Variants in PTPRD observed in about 807,000 individuals in gnomAD.
PTPRD encodes protein tyrosine phosphatase receptor type D.
PTPRD carries 34 observed loss-of-function variants against 214.5 expected under a neutral mutation model. The ratio of observed to expected loss-of-function variants is 0.16; its 90% CI spans 0.12 to 0.21. PTPRD has a LOEUF of 0.21. PTPRD is among the 10% of genes least tolerant of loss of function. The pLI is 1.00. For missense variants in PTPRD, 2,545 were observed against 2,398.7 expected, an observed-to-expected ratio of 1.06 and a Z score of -1.27; for synonymous variants, 1,128 against 845.7, an observed-to-expected ratio of 1.33 and a Z score of -5.79.
chr9:8,877,324 T>G (rs1351798971), intron 11 of PTPRD, among the ~76,000 whole-genome samples: 1 of 152,188 alleles, frequency 6.6e-6, no homozygotes, highest in Non-Finnish European at 1.5e-5. Context: ...CAGGGTAATG[T>G]CTATGTCAAA....
chr9:9,411,932 C>A (rs952196940), intron 8 of PTPRD, among the ~76,000 whole-genome samples: 1 of 152,204 alleles, frequency 6.6e-6, no homozygotes, highest in Admixed American at 6.5e-5. Context: ...TAGACCAACC[C>A]TGTCATTTTA....
At chr9:10,355,269 C>G (rs752792465) in intron 2 of PTPRD, among the ~76,000 whole-genome samples, 5 of 151,998 alleles carry the variant, frequency 3.3e-5, no homozygotes, top group Non-Finnish European at 7.4e-5. Context: ...GGGATATTAG[C>G]AAGCAAGCAA....
intron 3 of PTPRD, among the ~76,000 whole-genome samples, chr9:10,119,218 C>T (rs981382545): frequency 1.3e-5 from 2 of 151,824 alleles, no homozygotes; most frequent in Admixed American, 1.3e-4. Context: ...TTAACTATTA[C>T]AATCAAACCC....
chr9:9,932,693 C>CT (rs1283682082), intron 5 of PTPRD, among the ~76,000 whole-genome samples: 1 of 107,868 alleles, frequency 9.3e-6, no homozygotes, highest in Non-Finnish European at 1.8e-5. Context: ...TCTAGCAAGG[C>CT]AGGCCAACGT....
chr9:8,604,665 T>A (rs898907194), intron 14 of PTPRD, among the ~76,000 whole-genome samples: 1 of 152,056 alleles, frequency 6.6e-6, no homozygotes, highest in African/African-American at 2.4e-5. Context: ...AAATATAGCA[T>A]GAAAAGAGGA....
chr9:10,106,666 A>G, intron 3 of PTPRD, among the ~76,000 whole-genome samples: 1 of 151,938 alleles, frequency 6.6e-6, no homozygotes, highest in East Asian at 1.9e-4. Context: ...AATAGTGACA[A>G]GAAATGTTGA....
chr9:9,968,836 TG>T (rs1468676242), intron 4 of PTPRD, among the ~76,000 whole-genome samples: 2 of 152,074 alleles, frequency 1.3e-5, no homozygotes, highest in Admixed American at 6.5e-5. Context: ...GAAAACTTAA[TG>T]AAAAAGAACC....
At chr9:8,348,430 G>C (rs2074476269) in intron 39 of PTPRD, among the ~76,000 whole-genome samples, 1 of 152,010 alleles carries the variant, frequency 6.6e-6, no homozygotes, top group Non-Finnish European at 1.5e-5. Context: ...CCAACAACTT[G>C]GTTTTGTGCA....
intron 7 of PTPRD, among the ~76,000 whole-genome samples, chr9:9,718,936 G>A (rs1234986936): frequency 6.6e-6 from 1 of 152,176 alleles, no homozygotes; most frequent in Non-Finnish European, 1.5e-5. Flanking sequence ...AGGTTCCTAA[G>A]TGGGAAGCTG....
At position 10,139,450 on chromosome 9, in the gene PTPRD, C is replaced by T. The variant is rs966140291; in HGVS notation, c.-544-105660G>A. 2.0e-5 allele frequency among the ~76,000 whole-genome samples: 3 copies of T among 151,610 alleles called. No homozygotes were observed. The Admixed American group carries it at 2.0e-4, about 10-fold the overall frequency. On this transcript the variant is annotated intron_variant, in intron 3 of 45. Coordinates refer to ENST00000381196, the MANE Select transcript of PTPRD (RefSeq NM_002839.4). ...TCAATATTAAAATGCCCATACTTCC[C>T]AAAGCAATTTAAAGATTCAATGGTA...
intron 21 of PTPRD, 55 bp from the exon 22 acceptor site, chr9:8,507,489 G>A: frequency 6.2e-7 from 1 of 1,608,540 alleles, no homozygotes; most frequent in South Asian, 1.1e-5. Context: ...TATTCACAAA[G>A]TTCTTCCATT....
At position 9,978,694 on chromosome 9, in the gene PTPRD, G is replaced by T. The variant is rs544188370; in HGVS notation, c.-471-40084C>A. On this transcript the variant is annotated intron_variant, in intron 4 of 45. Transcript: ENST00000381196. Reference sequence around the variant, plus strand: ...ATGCACAGATAGATATAATGACTGAGAATTTTAGAAAATTAAGGAAAGAAA... The same window carrying T: ...ATGCACAGATAGATATAATGACTGATAATTTTAGAAAATTAAGGAAAGAAA... 9.9e-5 allele frequency among the ~76,000 whole-genome samples: 15 copies of T among 151,982 alleles called. 1 individual carries two copies. In the Middle Eastern group the frequency reaches 0.01, roughly 103 times the overall value.
At chr9:9,809,122 CT>C (rs2046350625) in intron 5 of PTPRD, among the ~76,000 whole-genome samples, 1 of 151,956 alleles carries the variant, frequency 6.6e-6, no homozygotes, top group African/African-American at 2.4e-5. Context: ...TGTGGCCCTT[CT>C]TTTGGGTCTC....
At chr9:8,911,415 T>TTGTGTGTGTGTGTG (rs757801073) in intron 11 of PTPRD, among the ~76,000 whole-genome samples, 6 of 127,722 alleles carry the variant, frequency 4.7e-5, no homozygotes, top group South Asian at 5.1e-4. Context: ...TGTGTGTGTG[T>TTGTGTGTGTGTGTG]TGTGTGTGTG....
At chr9:10,611,826 T>C (rs900101868) in intron 2 of PTPRD, among the ~76,000 whole-genome samples, 2 of 152,022 alleles carry the variant, frequency 1.3e-5, no homozygotes, top group African/African-American at 4.8e-5. Flanking sequence ...CCAATTATTA[T>C]CTCCTTACAG....
chr9:9,608,503 T>C (rs112949800), intron 7 of PTPRD, among the ~76,000 whole-genome samples: 1,725 of 152,240 alleles, frequency 0.011, 30 homozygotes, highest in African/African-American at 0.04. Context: ...AAGTAACCAA[T>C]GGTCCTTTAT....
intron 3 of PTPRD, among the ~76,000 whole-genome samples, chr9:10,217,660 A>G (rs2099547536): frequency 1.3e-5 from 2 of 151,962 alleles, no homozygotes; most frequent in Non-Finnish European, 2.9e-5. Context: ...CAACTAAACC[A>G]TCTAAAGCTC....
intron 5 of PTPRD, among the ~76,000 whole-genome samples, chr9:9,789,500 T>A (rs1244116235): frequency 6.6e-6 from 1 of 152,066 alleles, no homozygotes; most frequent in Non-Finnish European, 1.5e-5. Flanking sequence ...CCCTAGGTGA[T>A]TAAAACTTTT....
intron 30 of PTPRD, among the ~76,000 whole-genome samples, chr9:8,475,290 T>C (rs930683343): frequency 6.6e-6 from 1 of 152,214 alleles, no homozygotes; most frequent in Non-Finnish European, 1.5e-5. Context: ...TTTAAGATGT[T>C]AACACTCTCC....
Sources: gnomAD v4.1 joint callset for allele counts (sites outside exome capture counted in the v4.1 genomes callset) on GRCh38, gnomAD v4.1.1 for gene constraint, MANE v1.5 for transcripts, NCBI Gene and HGNC (gene_info 2026-07-23, HGNC 2026-07-21) for gene names.